The following BTBD7 variants were observed in gnomAD, a reference collection of about 807,000 sequenced individuals.
BTBD7 encodes BTB/POZ domain-containing protein 7.
Under a neutral mutation model 99.9 loss-of-function variants are expected in BTBD7, and 38 were observed. The ratio of observed to expected loss-of-function variants is 0.38; its 90% CI spans 0.29 to 0.50. BTBD7 has a LOEUF of 0.50. Ranked by LOEUF, BTBD7 falls within the 20% of genes least tolerant of loss-of-function variation. BTBD7 has a pLI of 0.93. For missense variants in BTBD7, 1,170 were observed against 1,394.6 expected (o/e 0.84, Z 2.57); for synonymous variants, 520 against 511.4 (o/e 1.02, Z -0.23).
Position 93,242,498 on chromosome 14 carries a change from A to T in BTBD7, c.3174T>A (p.Thr1058=), listed in dbSNP as rs961114841. Residue 1058 remains threonine, a synonymous_variant, in exon 11 of 11, where the codon ACT becomes ACA. Transcript: ENST00000334746. ...STGPAHVRGR[T]AVETDLTFGL... is the part of the protein sequence containing the mutation. ...CAAAAGTCAAGTCAGTTTCTACTGC[A>T]GTTCGTCCCCTGACATGGGCTGGAC... is the stretch of plus-strand genomic sequence containing the variant. 6 of 1,614,220 alleles carry T rather than the reference A, an allele frequency of 3.7e-6. No individual in the cohort carries two copies. In the African/African-American group the frequency reaches 6.7e-5, roughly 18 times the overall value.
chr14:93,328,097 TA>T (rs1370249606), intron 1 of BTBD7, among the ~76,000 whole-genome samples: 2 of 152,042 alleles, frequency 1.3e-5, no homozygotes, highest in Non-Finnish European at 2.9e-5. Flanking sequence ...CACTGAAAAC[TA>T]AAAAACACTG....
intron 1 of BTBD7, among the ~76,000 whole-genome samples, chr14:93,323,406 G>A (rs1183215534): frequency 6.6e-6 from 1 of 152,136 alleles, no homozygotes; most frequent in Non-Finnish European, 1.5e-5. Flanking sequence ...ACAGAACTAT[G>A]ACTCTGCAAT....
At position 93,290,987 on chromosome 14, in the gene BTBD7, G is replaced by GTTTT. The variant is rs34246296; in HGVS notation, c.1162+2867_1162+2870dup. Among the ~76,000 whole-genome samples, 120 of 76,736 alleles carry GTTTT rather than the reference G, an allele frequency of 1.6e-3. 2 individuals are homozygous for GTTTT. The highest frequency in any genetic ancestry group is 2.3e-3 in the Admixed American group (14 of 6,160). The allele number at this position is 76,736 out of a possible 152,430, so 50.3% of individuals were successfully genotyped here. On this transcript the variant is annotated intron_variant, in intron 3 of 10. Coordinates refer to ENST00000334746, the MANE Select transcript of BTBD7 (RefSeq NM_001002860.4). ...AGTGTGGGCCACTGTGCTAGGCCTA[G>GTTTT]TTTTTTTTTTTTTTTTTTTTTTTTT...
intron 3 of BTBD7, among the ~76,000 whole-genome samples, chr14:93,270,342 C>T (rs1198017560): frequency 2.6e-5 from 4 of 152,020 alleles, no homozygotes; most frequent in Admixed American, 6.5e-5. Context: ...GTGATCCACC[C>T]GCCTCAGCCT....
intron 3 of BTBD7, among the ~76,000 whole-genome samples, chr14:93,270,212 C>CAA (rs1467204410): frequency 6.6e-6 from 1 of 152,156 alleles, no homozygotes; most frequent in East Asian, 1.9e-4. Context: ...TCTACTGCCT[C>CAA]AGCCTCCTGA....
chr14:93,266,962 A>G (rs1460877727), intron 3 of BTBD7, among the ~76,000 whole-genome samples: 1 of 152,200 alleles, frequency 6.6e-6, no homozygotes, highest in African/African-American at 2.4e-5. Flanking sequence ...TTGAATACCA[A>G]GCTGAGGAGG....
chr14:93,328,530 T>C (rs1213740698), intron 1 of BTBD7, among the ~76,000 whole-genome samples: 3 of 144,060 alleles, frequency 2.1e-5, no homozygotes, highest in Non-Finnish European at 3.0e-5. Context: ...TCTCAACAAA[T>C]GGTAATGCAA....
intron 7 of BTBD7, among the ~76,000 whole-genome samples, chr14:93,252,035 C>A (rs563804918): frequency 2.4e-4 from 36 of 152,206 alleles, no homozygotes; most frequent in Admixed American, 1.4e-3. Flanking sequence ...CAGGGCCGGG[C>A]GTGGTGACTC....
At chr14:93,325,057 A>C (rs1157890924) in intron 1 of BTBD7, among the ~76,000 whole-genome samples, 1 of 151,930 alleles carries the variant, frequency 6.6e-6, no homozygotes, top group Non-Finnish European at 1.5e-5. Context: ...GACTTTATCG[A>C]CAAGGGAAGT....
chr14:93,267,564 G>A (rs550851627), intron 3 of BTBD7, among the ~76,000 whole-genome samples: 45 of 152,192 alleles, frequency 3.0e-4, no homozygotes, highest in Non-Finnish European at 2.5e-4. Flanking sequence ...TGACTTCCCA[G>A]CTGATAGCTC....
chr14:93,293,221 C>T (rs576392144), intron 3 of BTBD7, among the ~76,000 whole-genome samples: 27 of 152,030 alleles, frequency 1.8e-4, no homozygotes, highest in South Asian at 4.1e-4. Context: ...ATTTGTTTGC[C>T]TATAACACAA....
At chr14:93,311,658 T>G (rs567216853) in intron 1 of BTBD7, among the ~76,000 whole-genome samples, 9 of 152,082 alleles carry the variant, frequency 5.9e-5, no homozygotes, top group Non-Finnish European at 1.5e-5. Context: ...GCAGCCTACA[T>G]AATAGTTTAT....
At chr14:93,261,110 C>T (rs1465351027) in intron 5 of BTBD7, among the ~76,000 whole-genome samples, 1 of 152,156 alleles carries the variant, frequency 6.6e-6, no homozygotes, top group Non-Finnish European at 1.5e-5. Flanking sequence ...AGGCTGGTCT[C>T]AAACTCCTGA....
chr14:93,273,636 C>T lies in BTBD7; in HGVS notation c.1163-9643G>A, dbSNP rs558624575. Among the ~76,000 whole-genome samples, 6 of 152,288 alleles carry T rather than the reference C, an allele frequency of 3.9e-5. 1 individual carries two copies. The South Asian group carries it at 1.2e-3, about 32-fold the overall frequency. Reference sequence around the variant, plus strand: ...CCAAGATTTACCTGAATTTTTTGGGCTAGGAGAAGCAGCTCCCCCAACTCC... The same window carrying T: ...CCAAGATTTACCTGAATTTTTTGGGTTAGGAGAAGCAGCTCCCCCAACTCC... On this transcript the variant is annotated intron_variant, in intron 3 of 10. Transcript: ENST00000334746.
rs1248693519 is a variant in BTBD7 at position 93,261,584 on chromosome 14, C to G, written c.1447+18G>C. The stretch of plus-strand genomic sequence containing the variant: ...TTTTACACAAGGTAACTAGTGCAAG[C>G]TAATTTTCGGAGCTTACCTCTATCT... On this transcript the variant is annotated intron_variant, in intron 5 of 10. Coordinates refer to ENST00000334746, the MANE Select transcript of BTBD7 (RefSeq NM_001002860.4). The G allele has an allele frequency of 6.3e-7, 1 of 1,594,944 alleles. No homozygotes were observed. The highest frequency in any genetic ancestry group is 8.6e-7 in the Non-Finnish European group (1 of 1,164,386).
Position 93,288,751 on chromosome 14 carries a change from C to T in BTBD7, c.1162+5107G>A, listed in dbSNP as rs770688608. 4 of 1,600,090 alleles carry T rather than the reference C, an allele frequency of 2.5e-6. No homozygotes were observed. In the Admixed American group the frequency reaches 5.3e-5, roughly 21 times the overall value. On this transcript the variant is annotated intron_variant, in intron 3 of 10. Coordinates refer to ENST00000334746, the MANE Select transcript of BTBD7 (RefSeq NM_001002860.4). Reference sequence around the variant, plus strand: ...GCAAGCTGGCTTTTTCATTTTATAACCCCTGAGTGTAATTTCACTGTGGAA... The same window carrying T: ...GCAAGCTGGCTTTTTCATTTTATAATCCCTGAGTGTAATTTCACTGTGGAA...
At position 93,245,974 on chromosome 14, in the gene BTBD7, G is replaced by A. The variant is rs775310218; in HGVS notation, c.2434C>T (p.Pro812Ser). The change falls in exon 10 of 11, where the codon CCT (proline) becomes TCT (serine). Residue 812 changes from proline to serine, a missense_variant. Pro to Ser is a moderately conservative substitution (Grantham distance 74). Transcript: ENST00000334746. ...FHSRTAPKAG[P>S]PPVYLPSVKA... The stretch of plus-strand genomic sequence containing the variant: ...ACACTCGGCAAGTAGACTGGGGGAG[G>A]GCCAGCTTTAGGAGCTGTTCTGGAG... The A allele has an allele frequency of 1.2e-6, 2 of 1,614,112 alleles. No homozygotes were observed. Among genetic ancestry groups the A allele is most frequent in the Non-Finnish European group, 8.5e-7 (1 of 1,180,024 alleles).
At chr14:93,295,931 G>C (rs778740890) in intron 2 of BTBD7, 39 bp downstream of exon 2, 2 of 1,580,254 alleles carry the variant, frequency 1.3e-6, no homozygotes, top group Non-Finnish European at 1.7e-6. Context: ...TTCTATTATA[G>C]TCACAAAAGA....
intron 7 of BTBD7, among the ~76,000 whole-genome samples, chr14:93,252,096 G>A (rs2052374570): frequency 6.6e-6 from 1 of 152,068 alleles, no homozygotes; most frequent in Non-Finnish European, 1.5e-5. Flanking sequence ...GATCACCTGA[G>A]GTCATGAGTT....
Sources: gnomAD v4.1 joint callset for allele counts (sites outside exome capture counted in the v4.1 genomes callset) on GRCh38, gnomAD v4.1.1 for gene constraint, MANE v1.5 for transcripts, NCBI Gene and HGNC (gene_info 2026-07-23, HGNC 2026-07-21) for gene names.